SPOCK1: variants seen among roughly 807,000 people sequenced by gnomAD.
SPOCK1 encodes testican-1.
SPOCK1 carries 23 observed loss-of-function variants against 55.3 expected under a neutral mutation model. The observed-to-expected ratio is 0.42, with a 90% CI of 0.30 to 0.59. The LOEUF (loss-of-function observed/expected upper bound fraction) is 0.59. Among genes scored for constraint, SPOCK1 ranks in the 20% least tolerant of loss-of-function variants. SPOCK1 has a pLI of 0.22. For missense variants in SPOCK1, 499 were observed against 552.5 expected, an observed-to-expected ratio of 0.90 and a Z score of 0.97; for synonymous variants, 226 against 221.0, an observed-to-expected ratio of 1.02 and a Z score of -0.20.
chr5:137,331,447 A>C (rs1367223561), intron 2 of SPOCK1, among the ~76,000 whole-genome samples: 2 of 152,202 alleles, frequency 1.3e-5, no homozygotes, highest in East Asian at 3.9e-4. Context: ...AGACCTGCGC[A>C]TTGGGCCATT....
chr5:137,259,652 C>T (rs1046979608), intron 3 of SPOCK1, among the ~76,000 whole-genome samples: 1 of 122,498 alleles, frequency 8.2e-6, no homozygotes, highest in African/African-American at 3.1e-5. Flanking sequence ...AATAAAAAAA[C>T]ACTGAAAACA....
intron 2 of SPOCK1, among the ~76,000 whole-genome samples, chr5:137,409,092 C>T (rs1255795003): frequency 6.6e-6 from 1 of 152,184 alleles, no homozygotes; most frequent in Non-Finnish European, 1.5e-5. Context: ...AGGCCACCTC[C>T]AGTCCCCCAT....
chr5:137,218,556 T>G (rs1755762609), intron 3 of SPOCK1, among the ~76,000 whole-genome samples: 1 of 152,242 alleles, frequency 6.6e-6, no homozygotes, highest in Non-Finnish European at 1.5e-5. Flanking sequence ...ACTTGTGAAT[T>G]AAGCAAAAGA....
chr5:137,238,308 G>T (rs1295963138), intron 3 of SPOCK1, among the ~76,000 whole-genome samples: 1 of 152,188 alleles, frequency 6.6e-6, no homozygotes, highest in African/African-American at 2.4e-5. Flanking sequence ...AGTACTGGCT[G>T]AAATTTGCAC....
Position 136,976,540 on chromosome 5 carries a change from A to T in SPOCK1, c.*2114T>A, listed in dbSNP as rs1223495854. 6.6e-6 allele frequency: 1 copy of T among 152,662 alleles called. No homozygotes were observed. The highest frequency in any genetic ancestry group is 1.5e-5 in the Non-Finnish European group (1 of 68,040). The allele number at this position is 152,662 out of a possible 1,614,324, so 9.5% of individuals were successfully genotyped here. ...GTACATTTTCCTAAGCTCAAAGGAG[A>T]TAGTAACAATGGTTTTCTTTGATGA... On this transcript the variant is annotated 3_prime_UTR_variant, in exon 11 of 11. Transcript: ENST00000394945.
intron 4 of SPOCK1, among the ~76,000 whole-genome samples, chr5:137,131,548 C>T (rs1220993125): frequency 6.6e-6 from 1 of 151,676 alleles, no homozygotes; most frequent in African/African-American, 2.4e-5. Context: ...GTGGAAGTTG[C>T]AGTGAGCAGA....
rs541116744 is a variant in SPOCK1, at chr5:137,258,966, G to A, written c.232+8044C>T. Reference sequence around the variant, plus strand: ...GAAGCCAGAACACAAACTCATAGCCGACCCCAGCACTCAGTGAGGAAATGG... The same window carrying A: ...GAAGCCAGAACACAAACTCATAGCCAACCCCAGCACTCAGTGAGGAAATGG... On this transcript the variant is annotated intron_variant, in intron 3 of 10. Transcript: ENST00000394945. Among the ~76,000 whole-genome samples the A allele has an allele frequency of 3.3e-5, 5 of 152,178 alleles. No individual in the cohort carries two copies. In the East Asian group the frequency reaches 7.8e-4, roughly 24 times the overall value.
At chr5:137,044,470 T>C (rs1396874671) in intron 6 of SPOCK1, among the ~76,000 whole-genome samples, 2 of 152,228 alleles carry the variant, frequency 1.3e-5, no homozygotes, top group Non-Finnish European at 2.9e-5. Flanking sequence ...GTTCAAATCT[T>C]GGCTCTGCCA....
At chr5:137,025,746 G>A (rs1489079358) in intron 6 of SPOCK1, among the ~76,000 whole-genome samples, 2 of 152,116 alleles carry the variant, frequency 1.3e-5, no homozygotes, top group African/African-American at 2.4e-5. Flanking sequence ...GATACAAAGG[G>A]TACCATGAAA....
intron 5 of SPOCK1, among the ~76,000 whole-genome samples, chr5:137,074,021 C>T (rs1395250035): frequency 1.3e-5 from 1 of 78,818 alleles, no homozygotes; most frequent in Admixed American, 1.7e-4. Flanking sequence ...CACAGTAGCA[C>T]CTGTGAGGCA....
chr5:137,261,230 C>T (rs187612859), intron 3 of SPOCK1, among the ~76,000 whole-genome samples: 1 of 152,236 alleles, frequency 6.6e-6, no homozygotes. Context: ...TCTATTAAGC[C>T]TATTATGTAA....
intron 3 of SPOCK1, among the ~76,000 whole-genome samples, chr5:137,200,566 T>C (rs748305616): frequency 1.1e-4 from 16 of 152,238 alleles, no homozygotes; most frequent in Non-Finnish European, 2.2e-4. Context: ...TGGCACATAA[T>C]AGGTAGGTAC....
intron 2 of SPOCK1, among the ~76,000 whole-genome samples, chr5:137,391,037 C>T (rs911774250): frequency 2.0e-5 from 3 of 152,060 alleles, no homozygotes; most frequent in Non-Finnish European, 4.4e-5. Context: ...AGGTATTTGT[C>T]CTAATGCCCT....
In SPOCK1 at chr5:137,024,316, G is replaced by GCGGT. The variant is rs72180461; in HGVS notation, c.590-31717_590-31716insACCG. Among the ~76,000 whole-genome samples the GCGGT allele has an allele frequency of 1.3e-4, 18 of 139,954 alleles. 1 individual carries two copies. The highest frequency in any genetic ancestry group is 2.5e-4 in the Non-Finnish European group (16 of 64,954). 91.8% of individuals were successfully genotyped at this position (139,954 alleles called of 152,430 possible). A position where few individuals can be genotyped will look rare whatever the true frequency, so the allele number is the denominator to read the frequency against. On this transcript the variant is annotated intron_variant, in intron 6 of 10. Coordinates refer to ENST00000394945, the MANE Select transcript of SPOCK1 (RefSeq NM_004598.4). ...AGCACTAAATTGCACCAGTTTGAAG[G>GCGGT]GGGGGGGGTAGTTACAACTGACTGC...
intron 2 of SPOCK1, among the ~76,000 whole-genome samples, chr5:137,487,646 C>G (rs1754087127): frequency 6.6e-6 from 1 of 152,190 alleles, no homozygotes; most frequent in Non-Finnish European, 1.5e-5. Flanking sequence ...GATACAAAGT[C>G]AGGCCAGAGT....
At chr5:137,034,067 T>A (rs1400631206) in intron 6 of SPOCK1, among the ~76,000 whole-genome samples, 3 of 152,182 alleles carry the variant, frequency 2.0e-5, no homozygotes, top group African/African-American at 7.2e-5. Flanking sequence ...TGACCTCGAG[T>A]AGGCACTCAG....
At chr5:137,202,005 G>C (rs960527080) in intron 3 of SPOCK1, among the ~76,000 whole-genome samples, 1 of 152,228 alleles carries the variant, frequency 6.6e-6, no homozygotes, top group African/African-American at 2.4e-5. Flanking sequence ...CAGCCCACTA[G>C]CTTTGCAGCC....
At chr5:137,050,500 C>G (rs1054513520) in intron 6 of SPOCK1, among the ~76,000 whole-genome samples, 1 of 150,856 alleles carries the variant, frequency 6.6e-6, no homozygotes, top group South Asian at 2.1e-4. Flanking sequence ...TGCTTCGGCT[C>G]GCGCACGGTG....
At chr5:137,124,279 C>G (rs1287590941) in intron 4 of SPOCK1, among the ~76,000 whole-genome samples, 1 of 152,122 alleles carries the variant, frequency 6.6e-6, no homozygotes, top group Non-Finnish European at 1.5e-5. Context: ...AGGCCTGAGC[C>G]CCTCTCAGGG....
Sources: allele counts gnomAD v4.1 joint callset (sites outside exome capture counted in the v4.1 genomes callset), GRCh38; gene constraint gnomAD v4.1.1; transcripts MANE v1.5; gene names NCBI Gene and HGNC (gene_info 2026-07-23, HGNC 2026-07-21).